The following SMG9 variants were observed in gnomAD, a reference collection of about 807,000 sequenced individuals.
SMG9 encodes SMG9 nonsense mediated mRNA decay factor.
Under a neutral mutation model 64.0 loss-of-function variants are expected in SMG9, and 55 were observed. The ratio of observed to expected loss-of-function variants is 0.86; its 90% CI spans 0.69 to 1.08. SMG9 has a LOEUF of 1.08. Among genes scored for constraint, SMG9 ranks in the 50% least tolerant of loss-of-function variants. SMG9 has a pLI of 0.00. For missense variants in SMG9, 554 were observed against 681.3 expected (o/e 0.81, Z 2.08); for synonymous variants, 244 against 254.8 (o/e 0.96, Z 0.41).
Position 43,743,906 on chromosome 19 carries a change from T to C in SMG9, c.701+866A>G, listed in dbSNP as rs574120942. On this transcript the variant is annotated intron_variant, in intron 6 of 13. Transcript: ENST00000270066. ...ATCACCTGCTTTACAAAAAAACAGATCCCTGTATTTTTAGGTAACTTCAAC... is the reference window on the plus strand; with the variant it reads ...ATCACCTGCTTTACAAAAAAACAGACCCCTGTATTTTTAGGTAACTTCAAC... Among the ~76,000 whole-genome samples the C allele has an allele frequency of 4.0e-3, 610 of 152,244 alleles. 1 individual carries two copies. Among genetic ancestry groups the C allele is most frequent in the African/African-American group, 0.014 (580 of 41,532 alleles).
chr19:43,731,455 G>A lies in SMG9; in HGVS notation c.*141C>T. On this transcript the variant is annotated 3_prime_UTR_variant, in exon 14 of 14. Coordinates refer to ENST00000270066, the MANE Select transcript of SMG9 (RefSeq NM_019108.4). ...GGGGGCCTGGCCCTGGACACCTCATGTCTCTGGGCCGGGAAGCCACGATCC... is the reference window on the plus strand; with the variant it reads ...GGGGGCCTGGCCCTGGACACCTCATATCTCTGGGCCGGGAAGCCACGATCC... 1 of 1,479,302 alleles carries A rather than the reference G, an allele frequency of 6.8e-7. No homozygotes were observed. Among genetic ancestry groups the A allele is most frequent in the Non-Finnish European group, 9.0e-7 (1 of 1,111,650 alleles). The allele number at this position is 1,479,302 out of a possible 1,614,324, so 91.6% of individuals were successfully genotyped here.
In SMG9 at chr19:43,747,916, TC is replaced by T. The variant is rs1460821567; in HGVS notation, c.226-20del. Reference sequence around the variant, plus strand: ...GTTTTGACTACGGAGGTAAAAAAAATCCCATCAATGGGGGCAATCCCTTCCC... The same window carrying T: ...GTTTTGACTACGGAGGTAAAAAAAATCCATCAATGGGGGCAATCCCTTCCC... On this transcript the variant is annotated intron_variant, in intron 3 of 13. Coordinates refer to ENST00000270066, the MANE Select transcript of SMG9 (RefSeq NM_019108.4). 6.2e-7 allele frequency: 1 copy of T among 1,613,722 alleles called. No individual in the cohort carries two copies. The highest frequency in any genetic ancestry group is 8.5e-7 in the Non-Finnish European group (1 of 1,179,860).
At chr19:43,733,032 G>A (rs1238830150) in intron 12 of SMG9, 30 bp from the exon 13 acceptor site, 2 of 1,578,958 alleles carry the variant, frequency 1.3e-6, no homozygotes, top group South Asian at 1.2e-5. Context: ...AGGGTAAGAG[G>A]GATAGACTGC....
At chr19:43,749,610 C>A (rs997429910) in intron 2 of SMG9, among the ~76,000 whole-genome samples, 1 of 152,228 alleles carries the variant, frequency 6.6e-6, no homozygotes, top group African/African-American at 2.4e-5. Flanking sequence ...CATGTTTGTA[C>A]AGTTTTATAG....
At chr19:43,747,229 C>T (rs141457803) in intron 5 of SMG9, among the ~76,000 whole-genome samples, 21 of 152,234 alleles carry the variant, frequency 1.4e-4, no homozygotes, top group Middle Eastern at 6.8e-3. Flanking sequence ...CTTTACCAAT[C>T]GGTACCAAAG....
Position 43,747,431 on chromosome 19 carries a change from C to T in SMG9, c.588+11G>A. The stretch of plus-strand genomic sequence containing the variant: ...GTGCGGAAGCTCAGGCAGGGCAGGA[C>T]CCCTCGGTACCTCGATGGCACTGTC... On this transcript the variant is annotated intron_variant, in intron 5 of 13. Transcript: ENST00000270066. 3 of 1,611,742 alleles carry T rather than the reference C, an allele frequency of 1.9e-6. No homozygotes were observed. The highest frequency in any genetic ancestry group is 2.5e-6 in the Non-Finnish European group (3 of 1,179,668).
rs201076801 is a variant in SMG9 at position 43,750,618 on chromosome 19, T to C, written c.124A>G (p.Ile42Val). ...CTTCTCTCTCTTTCCCATGGTGCAATGTAGTCCCTCTCCCGACCACCAGGC... is the reference window on the plus strand; with the variant it reads ...CTTCTCTCTCTTTCCCATGGTGCAACGTAGTCCCTCTCCCGACCACCAGGC... ...SGPGGRERDY[I>V]APWERERRDA... Residue 42 changes from isoleucine (I) to valine (V), a missense_variant, in exon 2 of 14, where the codon ATT becomes GTT. Transcript: ENST00000270066. 1.9e-5 allele frequency: 31 copies of C among 1,613,658 alleles called. No individual in the cohort carries two copies. The East Asian group carries it at 4.7e-4, about 24-fold the overall frequency.
chr19:43,750,060 G>A, intron 2 of SMG9: 1 of 477,040 alleles, frequency 2.1e-6, no homozygotes, highest in South Asian at 1.6e-5. Context: ...AGTAACAGTT[G>A]TTGTTATTAT....
At chr19:43,743,622 G>A (rs986766985) in intron 6 of SMG9, among the ~76,000 whole-genome samples, 2 of 152,074 alleles carry the variant, frequency 1.3e-5, no homozygotes, top group African/African-American at 4.8e-5. Flanking sequence ...AGAGGAAGAC[G>A]CCATCTCTAC....
intron 2 of SMG9, 93 bp from the exon 3 acceptor site, chr19:43,748,145 T>C (rs1969086036): frequency 7.1e-7 from 1 of 1,411,792 alleles, no homozygotes; most frequent in Admixed American, 2.4e-5. Flanking sequence ...CGAAATATAT[T>C]AACTACCTTG....
chr19:43,746,601 G>A (rs765770518), intron 5 of SMG9, among the ~76,000 whole-genome samples: 2 of 152,156 alleles, frequency 1.3e-5, no homozygotes, highest in Non-Finnish European at 2.9e-5. Flanking sequence ...TGCTGGGTAG[G>A]AGAGGTGACA....
intron 1 of SMG9, among the ~76,000 whole-genome samples, chr19:43,753,893 C>G (rs988974132): frequency 6.7e-6 from 1 of 148,184 alleles, no homozygotes; most frequent in South Asian, 2.1e-4. Context: ...CCAGCCTGGG[C>G]GACAGAGCGA....
chr19:43,740,178 G>T lies in SMG9; in HGVS notation c.742C>A (p.Arg248=), dbSNP rs754073488. 6.2e-7 allele frequency: 1 copy of T among 1,614,114 alleles called. No individual in the cohort carries two copies. The highest frequency in any genetic ancestry group is 8.5e-7 in the Non-Finnish European group (1 of 1,179,986). ...FRAQSAEMKE[R]GGNQTSGIDF... is the part of the protein sequence containing the mutation. ...ATGCCACTGGTCTGGTTGCCCCCTC[G>T]TTCCTTCATTTCAGCGCTCTGGGCC... The change falls in exon 7 of 14, where the codon CGA becomes AGA. Residue 248 remains arginine (R), a synonymous_variant. Coordinates refer to ENST00000270066, the MANE Select transcript of SMG9 (RefSeq NM_019108.4).
chr19:43,750,622 G>A lies in SMG9; in HGVS notation c.120C>T (p.Asp40=). The A allele has an allele frequency of 6.2e-7, 1 of 1,613,696 alleles. No homozygotes were observed. The highest frequency in any genetic ancestry group is 8.5e-7 in the Non-Finnish European group (1 of 1,179,874). ...TCTCTCTTTCCCATGGTGCAATGTAGTCCCTCTCCCGACCACCAGGCCCAG... is the reference window on the plus strand; with the variant it reads ...TCTCTCTTTCCCATGGTGCAATGTAATCCCTCTCCCGACCACCAGGCCCAG... The part of the protein sequence containing the change: ...NLSGPGGRER[D]YIAPWERERR... Residue 40 remains aspartate (D), a synonymous_variant, in exon 2 of 14, where the codon GAC becomes GAT. Transcript: ENST00000270066.
intron 5 of SMG9, among the ~76,000 whole-genome samples, chr19:43,746,184 G>A (rs561919039): frequency 6.6e-6 from 1 of 152,234 alleles, no homozygotes; most frequent in African/African-American, 2.4e-5. Flanking sequence ...AATAAATAAA[G>A]CAAATCCTGG....
At chr19:43,737,490 A>C in intron 9 of SMG9, 107 bp downstream of exon 9, 3 of 960,584 alleles carry the variant, frequency 3.1e-6, no homozygotes, top group Non-Finnish European at 4.6e-6. Flanking sequence ...CTTACATTTT[A>C]AAAGGATCCC....
intron 1 of SMG9, among the ~76,000 whole-genome samples, chr19:43,751,880 C>T (rs984920485): frequency 6.6e-6 from 1 of 152,250 alleles, no homozygotes; most frequent in Non-Finnish European, 1.5e-5. Flanking sequence ...CTATCTCTTA[C>T]TTGCAGCCAA....
chr19:43,745,665 A>G (rs1325706912), intron 5 of SMG9, among the ~76,000 whole-genome samples: 1 of 152,132 alleles, frequency 6.6e-6, no homozygotes, highest in African/African-American at 2.4e-5. Context: ...CCAGGAGTTC[A>G]AGACCAGCCT....
At chr19:43,735,614 CAAAAAAAA>C (rs889721095) in intron 9 of SMG9, among the ~76,000 whole-genome samples, 2 of 51,530 alleles carry the variant, frequency 3.9e-5, no homozygotes, top group Admixed American at 2.3e-4. Flanking sequence ...GACTCTGTCT[CAAAAAAAA>C]AAAAAAAAAA....
Sources: allele counts gnomAD v4.1 joint callset (sites outside exome capture counted in the v4.1 genomes callset), GRCh38; gene constraint gnomAD v4.1.1; transcripts MANE v1.5; gene names NCBI Gene and HGNC (gene_info 2026-07-23, HGNC 2026-07-21).